The following SETX variants were observed in gnomAD, a reference collection of about 807,000 sequenced individuals.
SETX encodes senataxin, also known as helicase senataxin.
SETX carries 90 observed loss-of-function variants against 227.2 expected under a neutral mutation model. The ratio of observed to expected loss-of-function variants is 0.40; its 90% confidence interval spans 0.33 to 0.47. SETX has a LOEUF of 0.47. Among genes scored for constraint, SETX ranks in the 20% least tolerant of loss-of-function variants. The pLI is 0.91. For synonymous variants in SETX, 1,210 were observed against 1,113.2 expected (o/e 1.09, Z -1.73); for missense variants, 3,052 against 3,181.5 (o/e 0.96, Z 0.98).
At position 132,332,288 on chromosome 9, in the gene SETX, C is replaced by A. The variant is rs145876988; in HGVS notation, c.839-840G>T. On this transcript the variant is annotated intron_variant, in intron 7 of 25. Coordinates refer to ENST00000224140, the MANE Select transcript of SETX (RefSeq NM_015046.7). Reference sequence around the variant, plus strand: ...TTTCCAAAATAAGCACTAGAATGCCCTCAATTCTAGCACAACATATCAAAA... The same window carrying A: ...TTTCCAAAATAAGCACTAGAATGCCATCAATTCTAGCACAACATATCAAAA... Among the ~76,000 whole-genome samples, 48 of 152,312 alleles carry A rather than the reference C, an allele frequency of 3.2e-4. No homozygotes were observed. The South Asian group carries it at 6.0e-3, about 19-fold the overall frequency.
chr9:132,274,412 A>C (rs1843051000), intron 23 of SETX, among the ~76,000 whole-genome samples: 1 of 147,872 alleles, frequency 6.8e-6, no homozygotes, highest in Admixed American at 6.7e-5. Flanking sequence ...GAAATGTTTC[A>C]TTATTTGTTA....
At position 132,296,776 on chromosome 9, in the gene SETX, T is replaced by C. The variant is rs2296868; in HGVS notation, c.5949+111A>G. 0.23 allele frequency: 232,541 copies of C among 1,005,964 alleles called. 39,824 individuals carry two copies. The highest frequency in any genetic ancestry group is 0.7 in the East Asian group (29,168 of 41,424). The allele number at this position is 1,005,964 out of a possible 1,614,324, so 62.3% of individuals were successfully genotyped here. On this transcript the variant is annotated intron_variant, in intron 14 of 25. Transcript: ENST00000224140. Reference sequence around the variant, plus strand: ...AGTTACACACAATATAAAAAATATATACAAATCAAAGAGGAAATGGCATGT... The same window carrying C: ...AGTTACACACAATATAAAAAATATACACAAATCAAAGAGGAAATGGCATGT...
intron 25 of SETX, among the ~76,000 whole-genome samples, chr9:132,269,170 C>T (rs28667210): frequency 0.072 from 10,897 of 152,258 alleles, 762 homozygotes; most frequent in East Asian, 0.37. Flanking sequence ...ATGCCGGAGG[C>T]GCTAAGTGCT....
chr9:132,326,530 T>G lies in SETX; in HGVS notation c.5068A>C (p.Ile1690Leu). 2 of 1,614,190 alleles carry G rather than the reference T, an allele frequency of 1.2e-6. No homozygotes were observed. The highest frequency in any genetic ancestry group is 1.7e-6 in the Non-Finnish European group (2 of 1,180,034). The change falls in exon 10 of 26, where the codon ATT (isoleucine) becomes CTT (leucine). Residue 1690 changes from isoleucine to leucine, a missense_variant. Physicochemically the swap from Ile to Leu is conservative, Grantham distance 5 (BLOSUM62 2). This residue lies in a region of SETX where 1,483 missense variants were observed against 1,312.0 expected (regional missense o/e 1.13). Transcript: ENST00000224140. ...GAGACAGACTGTGATGACAAAAGAA[T>G]GTTTACTGGAGAGGAAGATGGAAAA... ...KYFPSSSPVN[I>L]LLSSQSVSDT... is the part of the protein sequence containing the mutation.
At chr9:132,303,753 A>C (rs936350706) in intron 11 of SETX, among the ~76,000 whole-genome samples, 2 of 152,200 alleles carry the variant, frequency 1.3e-5, no homozygotes, top group African/African-American at 2.4e-5. Flanking sequence ...AAGATGCTCA[A>C]CATTGTTAGC....
intron 15 of SETX, among the ~76,000 whole-genome samples, chr9:132,292,415 CAAAAAAAAA>C (rs60253119): frequency 1.6e-5 from 1 of 61,092 alleles, no homozygotes; most frequent in Non-Finnish European, 4.1e-5. Context: ...AGCTGGGGTA[CAAAAAAAAA>C]AAAAAAAAAA....
At chr9:132,283,615 T>A (rs779845116) in intron 18 of SETX, among the ~76,000 whole-genome samples, 2 of 152,222 alleles carry the variant, frequency 1.3e-5, no homozygotes, top group Non-Finnish European at 2.9e-5. Context: ...AATGTGTGCT[T>A]CGCGGCTGAA....
chr9:132,344,091 C>G (rs1368928603), intron 4 of SETX, among the ~76,000 whole-genome samples: 1 of 152,144 alleles, frequency 6.6e-6, no homozygotes, highest in Non-Finnish European at 1.5e-5. Flanking sequence ...CAGCGTATAC[C>G]TAAAGTCGAC....
chr9:132,355,323 T>C (rs547616182), upstream of SETX, among the ~76,000 whole-genome samples: 1 of 152,028 alleles, frequency 6.6e-6, no homozygotes, highest in South Asian at 2.1e-4. Flanking sequence ...CCTTACCCGC[T>C]GGCCATTTCC....
chr9:132,331,302 G>A lies in SETX; in HGVS notation c.985C>T (p.Arg329Ter). ...INNASYNREIRHIRNSSVRTK... is the reference protein window; with the variant it reads ...INNASYNREI ...CTTACAGAGCTGTTCCGTATATGTCGGATCTCTCTATTGTAGCTTGCGTTG... is the reference window on the plus strand; with the variant it reads ...CTTACAGAGCTGTTCCGTATATGTCAGATCTCTCTATTGTAGCTTGCGTTG... The change falls in exon 8 of 26, where the codon CGA (arginine) becomes TGA (stop). Residue 329 changes from arginine to a stop codon, truncating the protein, a stop_gained. Coordinates refer to ENST00000224140, the MANE Select transcript of SETX (RefSeq NM_015046.7). LOFTEE classifies it high-confidence loss of function. 6.2e-7 allele frequency: 1 copy of A among 1,613,916 alleles called. No individual in the cohort carries two copies. Among genetic ancestry groups the A allele is most frequent in the Non-Finnish European group, 8.5e-7 (1 of 1,179,970 alleles).
intron 6 of SETX, among the ~76,000 whole-genome samples, chr9:132,335,833 A>G (rs981701718): frequency 6.6e-6 from 1 of 152,202 alleles, no homozygotes; most frequent in Non-Finnish European, 1.5e-5. Flanking sequence ...TAATAACAAG[A>G]TATGTAATAG....
chr9:132,284,333 A>T (rs2131219393), intron 18 of SETX, among the ~76,000 whole-genome samples: 1 of 152,370 alleles, frequency 6.6e-6, no homozygotes, highest in Non-Finnish European at 1.5e-5. Flanking sequence ...ATCTGATTAA[A>T]ATCTGTTTAA....
rs514279 is a variant in SETX at position 132,342,956 on chromosome 9, A to G, written c.389-157T>C. ...TGCTTATATTGTAAATGCAGGAACAATATTTACCTGACAGGCTAAATCCGT... is the reference window on the plus strand; with the variant it reads ...TGCTTATATTGTAAATGCAGGAACAGTATTTACCTGACAGGCTAAATCCGT... On this transcript the variant is annotated intron_variant, in intron 4 of 25. Coordinates refer to ENST00000224140, the MANE Select transcript of SETX (RefSeq NM_015046.7). Among the ~76,000 whole-genome samples the G allele has an allele frequency of 0.43, 65,705 of 152,152 alleles. 17,121 individuals carry two copies. The highest frequency in any genetic ancestry group is 0.59 in the Non-Finnish European group (40,306 of 67,998).
chr9:132,344,932 A>G (rs1848203481), intron 4 of SETX, among the ~76,000 whole-genome samples: 1 of 152,116 alleles, frequency 6.6e-6, no homozygotes, highest in African/African-American at 2.4e-5. Flanking sequence ...CTTTACTTTC[A>G]AGAGATTCGT....
intron 15 of SETX, among the ~76,000 whole-genome samples, chr9:132,293,063 C>G (rs1239205015): frequency 6.6e-6 from 1 of 152,178 alleles, no homozygotes; most frequent in Non-Finnish European, 1.5e-5. Context: ...CATTAGCAAT[C>G]TAGCAGTGTA....
chr9:132,283,800 T>C (rs760917866), intron 18 of SETX, among the ~76,000 whole-genome samples: 1 of 152,214 alleles, frequency 6.6e-6, no homozygotes, highest in Non-Finnish European at 1.5e-5. Flanking sequence ...TCAGCCTGAA[T>C]GTACATTTTT....
rs191912986 is a variant in SETX at position 132,297,058 on chromosome 9, T to C, written c.5782-4A>G. ...TGAAATCTCTTAAGTACGCAATCTA[T>C]ATAAAAAACACATTTTTGAGAATGA... On this transcript the variant is annotated splice_region_variant and splice_polypyrimidine_tract_variant and intron_variant, in intron 13 of 25. Coordinates refer to ENST00000224140, the MANE Select transcript of SETX (RefSeq NM_015046.7). 5 of 1,608,296 alleles carry C rather than the reference T, an allele frequency of 3.1e-6. No individual in the cohort carries two copies. In the African/African-American group the frequency reaches 6.7e-5, roughly 21 times the overall value.
In SETX at chr9:132,295,889, T is replaced by C; in HGVS notation, c.6089A>G (p.Asp2030Gly). The change falls in exon 15 of 26, where the codon GAC becomes GGC. Residue 2030 changes from aspartate (D) to glycine (G), a missense_variant. Asp to Gly is a moderately conservative substitution (Grantham distance 94). Coordinates refer to ENST00000224140, the MANE Select transcript of SETX (RefSeq NM_015046.7). ...IILEFKEKCK[D>G]KKNPLGNCGD... ...TATCATACCTAAAGGATTCTTCTTG[T>C]CTTTACATTTTTCTTTGAATTCAAG... The C allele has an allele frequency of 6.2e-7, 1 of 1,613,758 alleles. No individual in the cohort carries two copies. The highest frequency in any genetic ancestry group is 8.5e-7 in the Non-Finnish European group (1 of 1,179,730).
At chr9:132,318,050 T>C (rs751762553) in intron 10 of SETX, among the ~76,000 whole-genome samples, 14 of 152,234 alleles carry the variant, frequency 9.2e-5, no homozygotes, top group Non-Finnish European at 1.8e-4. Context: ...TATTGCTTTT[T>C]CTTGTCTATT....
Sources: gnomAD v4.1 joint callset for allele counts (sites outside exome capture counted in the v4.1 genomes callset) on GRCh38, gnomAD v4.1.1 for gene constraint, gnomAD v4.1.1 regional missense constraint, MANE v1.5 for transcripts, NCBI Gene and HGNC (gene_info 2026-07-23, HGNC 2026-07-21) for gene names.